Variants in DUOX2 observed in about 807,000 individuals in gnomAD.
DUOX2 encodes dual oxidase 2.
In DUOX2, 185 loss-of-function variants were observed where a neutral mutation model predicts 183.3. The ratio of observed to expected loss-of-function variants is 1.01; its 90% CI spans 0.90 to 1.14. The LOEUF (loss-of-function observed/expected upper bound fraction) is 1.14. Ranked by LOEUF, DUOX2 falls within the 50% of genes most tolerant of loss-of-function variation. The pLI, the probability that DUOX2 is intolerant of heterozygous loss-of-function variation, is 0.00. For missense variants in DUOX2, 1,999 were observed against 2,022.9 expected (o/e 0.99, Z 0.23); for synonymous variants, 788 against 812.4 (o/e 0.97, Z 0.51).
intron 16 of DUOX2, 95 bp downstream of exon 16, chr15:45,106,433 G>A: frequency 1.9e-6 from 3 of 1,584,000 alleles, no homozygotes; most frequent in Non-Finnish European, 2.6e-6. Context: ...AGGTGCCTTG[G>A]CTTTCCTCTC....
At chr15:45,113,141 G>T in intron 2 of DUOX2, 65 bp from the exon 3 acceptor site, 1 of 1,547,772 alleles carries the variant, frequency 6.5e-7, no homozygotes, top group Non-Finnish European at 8.8e-7. Context: ...AGCAACGAAG[G>T]CCTTGGCCAG....
rs1033918600 is a variant in DUOX2 at position 45,093,982 on chromosome 15, T to C, written c.*168A>G. ...AACATAGTCTCCTGCCTTTTCTCAT[T>C]TGTATAATTGTCTGGGTCAATATTC... On this transcript the variant is annotated 3_prime_UTR_variant, in exon 34 of 34. Coordinates refer to ENST00000389039, the MANE Select transcript of DUOX2 (RefSeq NM_001363711.2). 2 of 837,110 alleles carry C rather than the reference T, an allele frequency of 2.4e-6. No individual in the cohort carries two copies. Among genetic ancestry groups the C allele is most frequent in the African/African-American group, 3.4e-5 (2 of 58,488 alleles). 51.9% of individuals were successfully genotyped at this position (837,110 alleles called of 1,614,324 possible). A position where few individuals can be genotyped will look rare whatever the true frequency, so the allele number is the denominator to read the frequency against.
At position 45,095,933 on chromosome 15, in the gene DUOX2, A is replaced by T. The variant is rs1365767920; in HGVS notation, c.3975T>A (p.His1325Gln). 1.2e-6 allele frequency: 2 copies of T among 1,613,068 alleles called. No individual in the cohort carries two copies. The highest frequency in any genetic ancestry group is 2.2e-5 in the East Asian group (1 of 44,822). ...YHPFTLTSAP[H>Q]EDTLSLHIRA... ...GGATGTGCAGGCTGAGTGTGTCCTC[A>T]TGGGGCGCGGAGGTCAGTGTGAAGG... The change falls in exon 30 of 34, where the codon CAT becomes CAA. Residue 1325 changes from histidine (H) to glutamine (Q), a missense_variant. Physicochemically the swap from His to Gln is conservative, Grantham distance 24. This residue lies in a region of DUOX2 where 1,628 missense variants were observed against 1,608.6 expected (regional missense o/e 1.01). Transcript: ENST00000389039.
chr15:45,096,261 C>G (rs956048044), intron 29 of DUOX2, among the ~76,000 whole-genome samples: 3 of 152,028 alleles, frequency 2.0e-5, no homozygotes, highest in African/African-American at 7.2e-5. Context: ...TTCTCTGCTC[C>G]CCTGTTCCAG....
chr15:45,096,529 A>T (rs73406325), intron 29 of DUOX2, among the ~76,000 whole-genome samples: 16,619 of 152,172 alleles, frequency 0.11, 2,960 homozygotes, highest in African/African-American at 0.37. Flanking sequence ...GTGGAAAACC[A>T]GTATCATGTG....
chr15:45,097,438 G>T, intron 28 of DUOX2, 47 bp from the exon 29 acceptor site: 7 of 1,614,074 alleles, frequency 4.3e-6, no homozygotes, highest in Non-Finnish European at 5.9e-6. Flanking sequence ...CCAGGCCCCT[G>T]CCCGGCATCC....
intron 26 of DUOX2, 131 bp downstream of exon 26, chr15:45,099,252 C>T (rs1404981089): frequency 2.5e-5 from 18 of 712,106 alleles, no homozygotes; most frequent in East Asian, 1.8e-4. Context: ...CCTCGTGATC[C>T]GCCCACCTCG....
At chr15:45,096,135 C>T in intron 29 of DUOX2, 75 bp from the exon 30 acceptor site, 3 of 1,271,738 alleles carry the variant, frequency 2.4e-6, no homozygotes, top group Admixed American at 1.8e-5. Context: ...AGGCACCTGT[C>T]CTCTTCACAC....
At position 45,097,691 on chromosome 15, in the gene DUOX2, C is replaced by T. The variant is rs762588205; in HGVS notation, c.3616G>A (p.Ala1206Thr). 1.2e-5 allele frequency: 20 copies of T among 1,614,172 alleles called. No individual in the cohort carries two copies. The East Asian group carries it at 2.2e-4, about 18-fold the overall frequency. Residue 1206 changes from alanine to threonine, a missense_variant, in exon 28 of 34, where the codon GCC becomes ACC. Ala to Thr is a moderately conservative substitution (Grantham distance 58). Coordinates refer to ENST00000389039, the MANE Select transcript of DUOX2 (RefSeq NM_001363711.2). ...CTGCGGCGGCGGAAGTGGTGGGAGG[C>T]GAAGACATACATGATGGCCAGGACC... Reference protein sequence around the residue: ...LLVLAIMYVFASHHFRRRSFR... With the variant: ...LLVLAIMYVFTSHHFRRRSFR...
chr15:45,105,524 C>T (rs1044029707), intron 18 of DUOX2, 119 bp downstream of exon 18: 18 of 1,269,978 alleles, frequency 1.4e-5, no homozygotes, highest in Non-Finnish European at 2.0e-5. Context: ...TCAAACAAGG[C>T]TATTTCTCTC....
Position 45,113,046 on chromosome 15 carries a change from T to TC in DUOX2, c.100dup (p.Glu34GlyfsTer6). 1 of 1,613,952 alleles carries TC rather than the reference T, an allele frequency of 6.2e-7. No homozygotes were observed. The highest frequency in any genetic ancestry group is 8.5e-7 in the Non-Finnish European group (1 of 1,179,994). Reference sequence around the variant, plus strand: ...AAACCAGCCGTCATAGCGCTGCACTTCCCAGGGCAGTGAGAGTGCGTCCTG... The same window carrying TC: ...AAACCAGCCGTCATAGCGCTGCACTTCCCCAGGGCAGTGAGAGTGCGTCCTG... On this transcript the variant is annotated frameshift_variant, in exon 3 of 34. Coordinates refer to ENST00000389039, the MANE Select transcript of DUOX2 (RefSeq NM_001363711.2). LOFTEE classifies it high-confidence loss of function.
At chr15:45,099,349 A>T in intron 26 of DUOX2, 34 bp downstream of exon 26, 1 of 1,592,002 alleles carries the variant, frequency 6.3e-7, no homozygotes, top group Non-Finnish European at 8.6e-7. Flanking sequence ...GGCCCACCCT[A>T]TGAGTCCCAG....
intron 21 of DUOX2, chr15:45,101,483 A>T: frequency 3.1e-6 from 2 of 643,866 alleles, no homozygotes; most frequent in Non-Finnish European, 5.5e-6. Context: ...TCTTAGGTGG[A>T]TGCAACCCTG....
chr15:45,094,577 C>A lies in DUOX2; in HGVS notation c.4510G>T (p.Glu1504Ter). The change falls in exon 33 of 34, where the codon GAG becomes TAG. Residue 1504 changes from glutamate to a stop codon, truncating the protein, a stop_gained. Transcript: ENST00000389039. LOFTEE classifies it high-confidence loss of function. ...PFEPFFNSLQ[E>*]VHPQVRKIGV... The stretch of plus-strand genomic sequence containing the variant: ...GTGGGACTGACCTGTGGGTGGACCT[C>A]CTGCAGGGAGTTGAAGAAGGGCTCG... 1 of 1,613,632 alleles carries A rather than the reference C, an allele frequency of 6.2e-7. No homozygotes were observed. Among genetic ancestry groups the A allele is most frequent in the Non-Finnish European group, 8.5e-7 (1 of 1,179,854 alleles).
intron 12 of DUOX2, 148 bp downstream of exon 12, chr15:45,108,641 A>G (rs756296950): frequency 9.5e-5 from 87 of 918,480 alleles, no homozygotes; most frequent in Non-Finnish European, 1.4e-4. Flanking sequence ...TGATTTACCA[A>G]CTATGTCATC....
rs1045549863 is a variant in DUOX2 at position 45,105,768 on chromosome 15, A to G, written c.2209T>C (p.Cys737Arg). 2 of 1,614,134 alleles carry G rather than the reference A, an allele frequency of 1.2e-6. No individual in the cohort carries two copies. The highest frequency in any genetic ancestry group is 2.7e-5 in the African/African-American group (2 of 74,948). Reference protein sequence around the residue: ...GAFVQQLWDFCVRWALGLHVA... With the variant: ...GAFVQQLWDFRVRWALGLHVA... ...TGGAGGCCCAGAGCCCAGCGCACGC[A>G]GAAGTCCCATAGCTGCTGCACAAAG... The change falls in exon 18 of 34, where the codon TGC becomes CGC. Residue 737 changes from cysteine (C) to arginine (R), a missense_variant. Physicochemically the swap from Cys to Arg is radical, Grantham distance 180 (BLOSUM62 -3). Transcript: ENST00000389039.
At chr15:45,101,358 G>A in intron 21 of DUOX2, 84 bp from the exon 22 acceptor site, 1 of 1,182,882 alleles carries the variant, frequency 8.5e-7, no homozygotes, top group Non-Finnish European at 1.2e-6. Context: ...CTCCCTTCTG[G>A]GAAAGTCATG....
intron 23 of DUOX2, 192 bp from the exon 24 acceptor site, chr15:45,100,420 C>T (rs1365481086): frequency 9.7e-6 from 6 of 619,182 alleles, no homozygotes; most frequent in Non-Finnish European, 1.7e-5. Flanking sequence ...TCCACCCACT[C>T]ACTGTCTCCC....
At chr15:45,101,632 A>C (rs1474989551) in intron 21 of DUOX2, 161 bp downstream of exon 21, 1 of 875,688 alleles carries the variant, frequency 1.1e-6, no homozygotes, top group Non-Finnish European at 1.8e-6. Flanking sequence ...TGCATTAGGC[A>C]ACTTGCACAC....
Sources: gnomAD v4.1 joint callset for allele counts (sites outside exome capture counted in the v4.1 genomes callset) on GRCh38, gnomAD v4.1.1 for gene constraint, gnomAD v4.1.1 regional missense constraint, MANE v1.5 for transcripts, NCBI Gene and HGNC (gene_info 2026-07-23, HGNC 2026-07-21) for gene names.